The following NXPE2 variants were observed in gnomAD, a reference collection of about 807,000 sequenced individuals.
The protein encoded by NXPE2 is NXPE family member 2.
In NXPE2, 34 loss-of-function variants were observed where a neutral mutation model predicts 34.4. The observed-to-expected ratio is 0.99, with a 90% CI of 0.75 to 1.31. The LOEUF (loss-of-function observed/expected upper bound fraction) is 1.31, where lower values mean the gene tolerates loss of function less well. Ranked by LOEUF, NXPE2 falls within the 40% of genes most tolerant of loss-of-function variation. The probability of loss-of-function intolerance (pLI) is 0.00; values close to 1 mark genes in which losing one functional copy is unlikely to be tolerated. For synonymous variants in NXPE2, 235 were observed against 231.3 expected, an observed-to-expected ratio of 1.02 and a Z score of -0.15; for missense variants, 649 against 672.5, an observed-to-expected ratio of 0.97 and a Z score of 0.39.
the NXPE2 span, among the ~76,000 whole-genome samples, chr11:114,768,389 T>C: frequency 3.8e-4 from 58 of 152,328 alleles, no homozygotes; most frequent in African/African-American, 1.3e-3. Flanking sequence ...GTCTTGGCTA[T>C]ACAGCTCTTG....
chr11:114,551,178 T>C, the NXPE2 span: 1 of 1,535,024 alleles, frequency 6.5e-7, no homozygotes, highest in Non-Finnish European at 8.7e-7. Context: ...GCAGCGTTTT[T>C]TGAAGCATTG....
the NXPE2 span, among the ~76,000 whole-genome samples, chr11:114,639,063 C>T: frequency 1.3e-5 from 2 of 151,620 alleles, no homozygotes; most frequent in African/African-American, 4.9e-5. Context: ...GTGCCCTGCC[C>T]CCAGAGGTGG....
the NXPE2 span, among the ~76,000 whole-genome samples, chr11:114,492,733 G>T: frequency 2.6e-5 from 4 of 152,000 alleles, no homozygotes; most frequent in Admixed American, 1.3e-4. Flanking sequence ...TAGAGACGGG[G>T]TTTCACAGTG....
chr11:114,562,971 TAA>T, the NXPE2 span, among the ~76,000 whole-genome samples: 1 of 152,092 alleles, frequency 6.6e-6, no homozygotes. Context: ...GAATTTATAT[TAA>T]GTCACAGAAA....
At chr11:114,522,406 G>A in the NXPE2 span, 21 of 1,613,874 alleles carry the variant, frequency 1.3e-5, no homozygotes, top group Admixed American at 1.8e-4. Context: ...CGAAGGGATA[G>A]CTATGTTTTT....
chr11:114,547,429 GA>G, the NXPE2 span, among the ~76,000 whole-genome samples: 3 of 152,204 alleles, frequency 2.0e-5, no homozygotes, highest in Admixed American at 1.3e-4. Context: ...AGTCTAAAGA[GA>G]AGTGACAATG....
At chr11:114,775,071 C>T in the NXPE2 span, among the ~76,000 whole-genome samples, 1 of 152,228 alleles carries the variant, frequency 6.6e-6, no homozygotes, top group Admixed American at 6.5e-5. Flanking sequence ...ATGAAAGAAG[C>T]TGGCGACATA....
chr11:114,683,561 C>T (rs143930269), intron 2 of NXPE2, among the ~76,000 whole-genome samples: 2,066 of 152,042 alleles, frequency 0.014, 34 homozygotes, highest in African/African-American at 0.047. Context: ...GCTGGGATTA[C>T]AGGCGCGTGC....
the NXPE2 span, among the ~76,000 whole-genome samples, chr11:114,581,476 A>G: frequency 6.6e-6 from 1 of 152,126 alleles, no homozygotes; most frequent in Non-Finnish European, 1.5e-5. Context: ...TGTTGTATAA[A>G]ATGGGCAGGG....
chr11:114,632,064 A>C, the NXPE2 span, among the ~76,000 whole-genome samples: 6 of 135,196 alleles, frequency 4.4e-5, no homozygotes, highest in Non-Finnish European at 9.6e-5. Flanking sequence ...ATATGTAAGA[A>C]TTGTATAGTA....
the NXPE2 span, chr11:114,518,086 T>C: frequency 6.6e-6 from 1 of 152,254 alleles, no homozygotes; most frequent in Admixed American, 6.6e-5. Context: ...ACCCTCTGGG[T>C]ATAAATTTTG....
the NXPE2 span, among the ~76,000 whole-genome samples, chr11:114,768,128 T>C: frequency 1.3e-5 from 2 of 152,188 alleles, no homozygotes; most frequent in Non-Finnish European, 2.9e-5. Context: ...TTTCTGCATA[T>C]GGCTAGCCAG....
the NXPE2 span, among the ~76,000 whole-genome samples, chr11:114,490,604 G>T: frequency 6.6e-6 from 1 of 152,196 alleles, no homozygotes; most frequent in East Asian, 1.9e-4. Context: ...GATGGGGAAA[G>T]GATTCCCTAT....
the NXPE2 span, among the ~76,000 whole-genome samples, chr11:114,576,800 A>C: frequency 6.6e-6 from 1 of 151,668 alleles, no homozygotes; most frequent in Non-Finnish European, 1.5e-5. Context: ...AGAACTAAAA[A>C]CAGATCTACC....
the NXPE2 span, among the ~76,000 whole-genome samples, chr11:114,759,137 C>G: frequency 2.0e-5 from 3 of 152,182 alleles, no homozygotes; most frequent in Non-Finnish European, 4.4e-5. Flanking sequence ...CTCTCTCTCT[C>G]CTTTTTAATT....
chr11:114,754,965 A>G, the NXPE2 span, among the ~76,000 whole-genome samples: 20 of 152,314 alleles, frequency 1.3e-4, no homozygotes, highest in African/African-American at 4.6e-4. Flanking sequence ...AACAGTGCAT[A>G]TGGCTTGATA....
chr11:114,470,212 C>T, the NXPE2 span, among the ~76,000 whole-genome samples: 208 of 152,122 alleles, frequency 1.4e-3, no homozygotes, highest in African/African-American at 4.6e-3. Context: ...AGAATACCTA[C>T]GAATGGAATG....
intron 2 of NXPE2, among the ~76,000 whole-genome samples, chr11:114,680,285 C>A (rs1950926992): frequency 6.6e-6 from 1 of 152,156 alleles, no homozygotes; most frequent in South Asian, 2.1e-4. Flanking sequence ...CAAATACTTT[C>A]ACCACTGACA....
At chr11:114,723,959 A>G in the NXPE2 span, among the ~76,000 whole-genome samples, 4 of 152,194 alleles carry the variant, frequency 2.6e-5, no homozygotes, top group African/African-American at 9.7e-5. Context: ...CCCAGCTGTC[A>G]TCTCTGTGTA....
Sources: gnomAD v4.1 joint callset for allele counts (sites outside exome capture counted in the v4.1 genomes callset) on GRCh38, gnomAD v4.1.1 for gene constraint, MANE v1.5 for transcripts, NCBI Gene and HGNC (gene_info 2026-07-23, HGNC 2026-07-21) for gene names.